TNC: variants seen among roughly 807,000 people sequenced by gnomAD.
TNC encodes tenascin.
In TNC, 109 loss-of-function variants were observed where a neutral mutation model predicts 202.4. The ratio of observed to expected loss-of-function variants is 0.54; its 90% confidence interval spans 0.46 to 0.63. The LOEUF is 0.63. Among genes scored for constraint, TNC ranks in the 30% least tolerant of loss-of-function variants. TNC has a pLI of 0.00. For synonymous variants in TNC, 1,007 were observed against 1,089.7 expected (o/e 0.92, Z 1.50); for missense variants, 2,756 against 2,833.3 (o/e 0.97, Z 0.62).
In TNC at chr9:115,090,674, T is replaced by C. The variant is rs780592931; in HGVS notation, c.345A>G (p.Ala115=). The change falls in exon 2 of 28, where the codon GCA becomes GCG. Residue 115 remains alanine (A), a synonymous_variant. Coordinates refer to ENST00000350763, the MANE Select transcript of TNC (RefSeq NM_002160.4). ...TCAGCAGCTCCTTAACATCAGGGGC[T>C]GCGGCACAGCCACAGGCCCGGCGGG... is the stretch of plus-strand genomic sequence containing the variant. ...NIPRRACGCA[A]APDVKELLSR... The C allele has an allele frequency of 1.2e-6, 2 of 1,614,126 alleles. No individual in the cohort carries two copies. Among genetic ancestry groups the C allele is most frequent in the East Asian group, 2.2e-5 (1 of 44,868 alleles).
At chr9:115,056,279 G>A (rs1259417426) in intron 15 of TNC, among the ~76,000 whole-genome samples, 1 of 151,344 alleles carries the variant, frequency 6.6e-6, no homozygotes, top group Non-Finnish European at 1.5e-5. Context: ...TTTCTAGTTT[G>A]TGATTTCTTC....
intron 1 of TNC, 129 bp downstream of exon 1, chr9:115,117,853 T>TC (rs1280514981): frequency 6.6e-6 from 1 of 151,946 alleles, no homozygotes; most frequent in Non-Finnish European, 1.5e-5. Context: ...CACTCCTTTT[T>TC]TTTCCAGCGG....
rs142011394 is a variant in TNC, at chr9:115,048,395, G to A, written c.4717C>T (p.Gln1573Ter). 1.1e-5 allele frequency: 17 copies of A among 1,614,042 alleles called. No individual in the cohort carries two copies. The highest frequency in any genetic ancestry group is 1.3e-5 in the African/African-American group (1 of 75,022). ...TGGGTTCCTGAAAGTGTGAATTCCT[G>A]GGGGTCCAGCAGCTTCCCAGAATCC... is the stretch of plus-strand genomic sequence containing the variant. ...VVDSGKLLDPQEFTLSGTQRK... is the reference protein window; with the variant it reads ...VVDSGKLLDP Residue 1573 changes from glutamine (Q) to a stop codon, truncating the protein, a stop_gained, in exon 16 of 28, where the codon CAG (glutamine) becomes TAG (stop). Coordinates refer to ENST00000350763, the MANE Select transcript of TNC (RefSeq NM_002160.4). LOFTEE classifies it high-confidence loss of function.
intron 1 of TNC, among the ~76,000 whole-genome samples, chr9:115,114,641 A>G (rs1372619710): frequency 6.6e-6 from 1 of 152,196 alleles, no homozygotes; most frequent in East Asian, 1.9e-4. Context: ...CTTCTCCACC[A>G]TCTTGATCAT....
In TNC at chr9:115,020,611, C is replaced by T. The variant is rs769402156; in HGVS notation, c.*546G>A. On this transcript the variant is annotated 3_prime_UTR_variant, in exon 28 of 28. Transcript: ENST00000350763. ...AGAAATGTTTTGGAAAGAAAGATCT[C>T]TTGAAAAATCCTTAGTTTTCATCAT... 12 of 354,746 alleles carry T rather than the reference C, an allele frequency of 3.4e-5. No individual in the cohort carries two copies. The highest frequency in any genetic ancestry group is 2.8e-4 in the South Asian group (12 of 42,426). 22.0% of individuals were successfully genotyped at this position (354,746 alleles called of 1,614,324 possible). A position where few individuals can be genotyped will look rare whatever the true frequency, so the allele number is the denominator to read the frequency against.
At chr9:115,103,382 G>T (rs1836380783) in intron 1 of TNC, among the ~76,000 whole-genome samples, 1 of 152,170 alleles carries the variant, frequency 6.6e-6, no homozygotes, top group South Asian at 2.1e-4. Flanking sequence ...TTGTACTGTT[G>T]TTAAATATAG....
rs770704378 is a variant in TNC at position 115,086,985 on chromosome 9, C to A, written c.746G>T (p.Arg249Leu). Residue 249 changes from arginine (R) to leucine (L), a missense_variant, in exon 3 of 28, where the codon CGT becomes CTT. By Grantham distance (102) the Arg-to-Leu change is moderately radical. Coordinates refer to ENST00000350763, the MANE Select transcript of TNC (RefSeq NM_002160.4). ...FEGYAGADCS[R>L]EICPVPCSEE... ...ACTGCAGGGCACTGGGCAGATTTCA[C>A]GGCTGCAGTCAGCCCCGGCGTAGCC... 4 of 1,614,054 alleles carry A rather than the reference C, an allele frequency of 2.5e-6. No homozygotes were observed. The Admixed American group carries it at 6.7e-5, about 27-fold the overall frequency.
chr9:115,081,751 A>G (rs935695154), intron 6 of TNC, 21 bp downstream of exon 6: 19 of 1,613,424 alleles, frequency 1.2e-5, no homozygotes, highest in Non-Finnish European at 1.6e-5. Flanking sequence ...TCATTCTATA[A>G]GTATTAAAGG....
At chr9:115,105,229 G>A (rs1051502345) in intron 1 of TNC, among the ~76,000 whole-genome samples, 5 of 152,186 alleles carry the variant, frequency 3.3e-5, no homozygotes, top group Non-Finnish European at 7.3e-5. Context: ...GACTACTCCC[G>A]TAATTAATTT....
intron 6 of TNC, among the ~76,000 whole-genome samples, chr9:115,079,193 G>T (rs1834110138): frequency 6.6e-6 from 1 of 151,518 alleles, no homozygotes; most frequent in South Asian, 2.1e-4. Context: ...TGGGTATTCA[G>T]TGAATCTTTG....
intron 15 of TNC, among the ~76,000 whole-genome samples, chr9:115,051,826 CA>C (rs959320520): frequency 1.3e-5 from 2 of 151,736 alleles, no homozygotes; most frequent in African/African-American, 4.8e-5. Context: ...AAACTGGGCA[CA>C]AAAAACCCTA....
At chr9:115,096,709 C>G (rs1835822760) in intron 1 of TNC, among the ~76,000 whole-genome samples, 1 of 152,158 alleles carries the variant, frequency 6.6e-6, no homozygotes, top group South Asian at 2.1e-4. Context: ...GTTTCCATAC[C>G]TTACATGTTT....
At chr9:115,069,567 C>T (rs1324654103) in intron 10 of TNC, among the ~76,000 whole-genome samples, 4 of 148,314 alleles carry the variant, frequency 2.7e-5, no homozygotes, top group Non-Finnish European at 4.5e-5. Flanking sequence ...CGGTACCTTT[C>T]GTTCTTCCCT....
At chr9:115,038,523 GC>G in intron 19 of TNC, 143 bp from the exon 20 acceptor site, 1 of 1,120,974 alleles carries the variant, frequency 8.9e-7, no homozygotes, top group Non-Finnish European at 1.2e-6. Flanking sequence ...TAAGCCTGGA[GC>G]CAGCCTGACC....
chr9:115,052,718 G>C, intron 15 of TNC: 2 of 694,714 alleles, frequency 2.9e-6, no homozygotes, highest in Non-Finnish European at 2.6e-6. Context: ...TGTTAGACAA[G>C]TGAGAACCTC....
chr9:115,073,727 C>G lies in TNC; in HGVS notation c.3090G>C (p.Gln1030His), dbSNP rs1280135847. ...SLPTGQWVGV[Q>H]LPRNTTSYVL... is the part of the protein sequence containing the mutation. Reference sequence around the variant, plus strand: ...CATAGGAAGTGGTGTTTCTTGGAAGCTGCACTCCCACCCACTGGCCTGTGG... The same window carrying G: ...CATAGGAAGTGGTGTTTCTTGGAAGGTGCACTCCCACCCACTGGCCTGTGG... Residue 1030 changes from glutamine to histidine, a missense_variant, in exon 10 of 28, where the codon CAG (glutamine) becomes CAC (histidine). This residue lies in a region of TNC where 2,559 missense variants were observed against 2,546.0 expected (regional missense o/e 1.01). Transcript: ENST00000350763. 1.2e-6 allele frequency: 2 copies of G among 1,614,056 alleles called. No homozygotes were observed. Among genetic ancestry groups the G allele is most frequent in the Non-Finnish European group, 1.7e-6 (2 of 1,180,038 alleles).
At position 115,078,036 on chromosome 9, in the gene TNC, C is replaced by T. The variant is rs200401362; in HGVS notation, c.2581G>A (p.Gly861Arg). 1.1e-5 allele frequency: 17 copies of T among 1,614,050 alleles called. No homozygotes were observed. The highest frequency in any genetic ancestry group is 4.4e-5 in the South Asian group (4 of 91,088). Residue 861 changes from glycine to arginine, a missense_variant, in exon 7 of 28, where the codon GGG (glycine) becomes AGG (arginine). By Grantham distance (125) the Gly-to-Arg change is moderately radical. Transcript: ENST00000350763. Reference protein sequence around the residue: ...LTEDENQYSIGNLKPDTEYEV... With the variant: ...LTEDENQYSIRNLKPDTEYEV... ...TACTCAGTGTCAGGCTTCAGGTTCC[C>T]GATGGAGTACTGGTTCTCGTCCTCT... is the stretch of plus-strand genomic sequence containing the variant.
chr9:115,109,743 G>A (rs773555523), intron 1 of TNC, among the ~76,000 whole-genome samples: 1 of 152,166 alleles, frequency 6.6e-6, no homozygotes, highest in Non-Finnish European at 1.5e-5. Context: ...TGAGGTCTGT[G>A]TCCTGAGACA....
intron 27 of TNC, among the ~76,000 whole-genome samples, chr9:115,023,335 T>C (rs1008634145): frequency 2.6e-5 from 4 of 152,172 alleles, no homozygotes; most frequent in Non-Finnish European, 1.5e-5. Flanking sequence ...AATGTGCCAG[T>C]GTAGGCAAGG....
Sources: allele counts gnomAD v4.1 joint callset (sites outside exome capture counted in the v4.1 genomes callset), GRCh38; gene constraint gnomAD v4.1.1; regional missense constraint gnomAD v4.1.1; transcripts MANE v1.5; gene names NCBI Gene and HGNC (gene_info 2026-07-23, HGNC 2026-07-21).